Variants in ANO3 observed in about 807,000 individuals in gnomAD.
The protein encoded by ANO3 is anoctamin-3.
In ANO3, 99 loss-of-function variants were observed where a neutral mutation model predicts 144.8. That is an observed-to-expected ratio of 0.68 (90% CI 0.58 to 0.81). ANO3 has a LOEUF of 0.81. Ranked by LOEUF, ANO3 falls within the 30% of genes least tolerant of loss-of-function variation. ANO3 has a pLI of 0.00. For synonymous variants in ANO3, 414 were observed against 392.6 expected (o/e 1.05, Z -0.64); for missense variants, 905 against 1,202.2 (o/e 0.75, Z 3.66).
intron 3 of ANO3, among the ~76,000 whole-genome samples, chr11:26,446,589 G>C (rs1460666169): frequency 6.6e-6 from 1 of 152,104 alleles, no homozygotes; most frequent in Non-Finnish European, 1.5e-5. Flanking sequence ...AACAGGATGG[G>C]TACATATCAT....
At chr11:26,358,179 T>TA (rs1855834433) in intron 1 of ANO3, among the ~76,000 whole-genome samples, 23 of 148,138 alleles carry the variant, frequency 1.6e-4, no homozygotes, top group Admixed American at 1.4e-3. Context: ...ACTTTTTTTT[T>TA]TTTTTTTTTT....
chr11:26,455,141 G>C (rs1479825300), intron 3 of ANO3, among the ~76,000 whole-genome samples: 1 of 151,808 alleles, frequency 6.6e-6, no homozygotes, highest in African/African-American at 2.4e-5. Flanking sequence ...AAAACTGGAA[G>C]CATTCCCTTT....
chr11:26,479,563 C>G (rs1289376286), intron 4 of ANO3, among the ~76,000 whole-genome samples: 1 of 152,016 alleles, frequency 6.6e-6, no homozygotes, highest in Non-Finnish European at 1.5e-5. Context: ...CATCGGATCT[C>G]GTGAGACTTA....
At chr11:26,386,173 G>A (rs1243900390) in intron 1 of ANO3, among the ~76,000 whole-genome samples, 1 of 152,076 alleles carries the variant, frequency 6.6e-6, no homozygotes, top group Non-Finnish European at 1.5e-5. Flanking sequence ...ATATAAAACG[G>A]ACACAGGCCA....
intron 1 of ANO3, among the ~76,000 whole-genome samples, chr11:26,208,996 C>T (rs1241068492): frequency 6.6e-6 from 1 of 151,936 alleles, no homozygotes; most frequent in Non-Finnish European, 1.5e-5. Context: ...GTCAAGTTTT[C>T]TCATTTTTTA....
At chr11:26,268,946 T>C (rs1853376634) in intron 1 of ANO3, among the ~76,000 whole-genome samples, 2 of 152,168 alleles carry the variant, frequency 1.3e-5, no homozygotes, top group Middle Eastern at 3.4e-3. Context: ...TGTACAAATA[T>C]GACTTTCCCT....
intron 1 of ANO3, among the ~76,000 whole-genome samples, chr11:26,211,237 C>T (rs1851926388): frequency 6.6e-6 from 1 of 152,214 alleles, no homozygotes; most frequent in South Asian, 2.1e-4. Flanking sequence ...GGAAATTGAA[C>T]AACATGCTCC....
Position 26,660,488 on chromosome 11 carries a change from A to G in ANO3, c.*44A>G. On this transcript the variant is annotated 3_prime_UTR_variant, in exon 27 of 27. Coordinates refer to ENST00000256737, the MANE Select transcript of ANO3 (RefSeq NM_031418.4). ...TAGGGGTGATAACATTAATGGGAAG[A>G]AATGATGGCAACTTTGAATGCTAGG... is the stretch of plus-strand genomic sequence containing the variant. 1 of 1,525,388 alleles carries G rather than the reference A, an allele frequency of 6.6e-7. No individual in the cohort carries two copies. Among genetic ancestry groups the G allele is most frequent in the South Asian group, 1.3e-5 (1 of 76,878 alleles). 94.5% of individuals were successfully genotyped at this position (1,525,388 alleles called of 1,614,324 possible).
intron 1 of ANO3, among the ~76,000 whole-genome samples, chr11:26,376,529 T>C (rs1454957787): frequency 2.6e-5 from 4 of 152,166 alleles, no homozygotes; most frequent in Non-Finnish European, 5.9e-5. Context: ...TGCATTTTCT[T>C]GAAACATGTC....
At chr11:26,568,746 T>C (rs1001167131) in intron 14 of ANO3, among the ~76,000 whole-genome samples, 4 of 152,184 alleles carry the variant, frequency 2.6e-5, no homozygotes, top group African/African-American at 9.6e-5. Flanking sequence ...TTTACTTAAA[T>C]TGATGCCTCA....
chr11:26,411,844 A>C (rs1414286448), intron 1 of ANO3, among the ~76,000 whole-genome samples: 2 of 151,872 alleles, frequency 1.3e-5, no homozygotes, highest in Non-Finnish European at 2.9e-5. Flanking sequence ...TGAAGATTGC[A>C]GTTGACTTAT....
chr11:26,549,375 A>G lies in ANO3; in HGVS notation c.1289+1825A>G, dbSNP rs115781561. On this transcript the variant is annotated intron_variant, in intron 12 of 26. Coordinates refer to ENST00000256737, the MANE Select transcript of ANO3 (RefSeq NM_031418.4). The stretch of plus-strand genomic sequence containing the variant: ...CTTGACTGAAAATTTGGGGACTGAA[A>G]TTTTCCATTCAAGGTGTCAGACGTG... 7.4e-3 allele frequency among the ~76,000 whole-genome samples: 1,125 copies of G among 152,022 alleles called. 20 individuals carry two copies. The highest frequency in any genetic ancestry group is 0.026 in the African/African-American group (1,098 of 41,506).
At chr11:26,225,183 A>G (rs72872729) in intron 1 of ANO3, among the ~76,000 whole-genome samples, 37,649 of 152,054 alleles carry the variant, frequency 0.25, 5,424 homozygotes, top group Non-Finnish European at 0.31. Flanking sequence ...AAATAGCACA[A>G]GAGTCTTAGA....
upstream of ANO3, among the ~76,000 whole-genome samples, chr11:26,305,759 A>G (rs1854365975): frequency 6.6e-6 from 1 of 152,198 alleles, no homozygotes; most frequent in African/African-American, 2.4e-5. Flanking sequence ...GCATTTTGAA[A>G]TTGATATAGT....
chr11:26,218,957 T>G (rs1852088352), intron 1 of ANO3, among the ~76,000 whole-genome samples: 1 of 152,146 alleles, frequency 6.6e-6, no homozygotes, highest in Non-Finnish European at 1.5e-5. Context: ...GTTGAGAAAT[T>G]TTAATTCTTA....
chr11:26,409,848 A>T (rs1175942807), intron 1 of ANO3, among the ~76,000 whole-genome samples: 2 of 151,972 alleles, frequency 1.3e-5, no homozygotes, highest in Non-Finnish European at 2.9e-5. Context: ...TGATGCTAAG[A>T]TACCCTTTAC....
At chr11:26,417,803 G>C (rs890802943) in intron 1 of ANO3, among the ~76,000 whole-genome samples, 3 of 151,956 alleles carry the variant, frequency 2.0e-5, no homozygotes, top group African/African-American at 4.8e-5. Flanking sequence ...ACTGAAAAGA[G>C]TAGGTGGCTA....
intron 3 of ANO3, among the ~76,000 whole-genome samples, chr11:26,462,068 T>G (rs779967010): frequency 1.3e-5 from 2 of 151,968 alleles, no homozygotes; most frequent in Non-Finnish European, 2.9e-5. Context: ...TGATGTAACA[T>G]ATTATGTTTT....
At chr11:26,444,423 T>C (rs10734375) in intron 3 of ANO3, among the ~76,000 whole-genome samples, 142,649 of 152,270 alleles carry the variant, frequency 0.94, 67,022 homozygotes, top group East Asian at 1. Context: ...TACTAATGTG[T>C]CAACACTTAT....
Sources: allele counts gnomAD v4.1 joint callset (sites outside exome capture counted in the v4.1 genomes callset), GRCh38; gene constraint gnomAD v4.1.1; transcripts MANE v1.5; gene names NCBI Gene and HGNC (gene_info 2026-07-23, HGNC 2026-07-21).